ADAMTS17: variants seen among roughly 807,000 people sequenced by gnomAD.
The protein encoded by ADAMTS17 is ADAM metallopeptidase with thrombospondin type 1 motif 17.
In ADAMTS17, 113 loss-of-function variants were observed where a neutral mutation model predicts 141.5. That is an observed-to-expected ratio of 0.80 (90% confidence interval 0.69 to 0.93). The LOEUF is 0.93. ADAMTS17 is among the 40% of genes least tolerant of loss of function. The pLI is 0.00. For synonymous variants in ADAMTS17, 768 were observed against 630.6 expected, an observed-to-expected ratio of 1.22 and a Z score of -3.27; for missense variants, 1,659 against 1,517.9, an observed-to-expected ratio of 1.09 and a Z score of -1.54.
chr15:100,052,203 C>T (rs1691203268), intron 16 of ADAMTS17, among the ~76,000 whole-genome samples: 1 of 150,516 alleles, frequency 6.6e-6, no homozygotes, highest in African/African-American at 2.5e-5. Flanking sequence ...TCCTTCACTC[C>T]CCATCATCAA....
At chr15:100,102,428 GAT>G (rs1463274550) in intron 14 of ADAMTS17, among the ~76,000 whole-genome samples, 47 of 74,952 alleles carry the variant, frequency 6.3e-4, no homozygotes, top group African/African-American at 2.7e-3. Flanking sequence ...GACCGAAGGG[GAT>G]CTACATTTGA....
intron 20 of ADAMTS17, among the ~76,000 whole-genome samples, chr15:99,991,647 T>C (rs1176602398): frequency 6.6e-6 from 1 of 152,204 alleles, no homozygotes; most frequent in East Asian, 1.9e-4. Context: ...AGAAATACCA[T>C]TTGACCCAGC....
chr15:100,064,754 G>A (rs2033391788), intron 15 of ADAMTS17, among the ~76,000 whole-genome samples: 1 of 152,220 alleles, frequency 6.6e-6, no homozygotes, highest in East Asian at 1.9e-4. Flanking sequence ...CAGGGCAGAA[G>A]CTGGCAACTG....
rs144731011 is a variant in ADAMTS17 at position 100,282,128 on chromosome 15, A to G, written c.617-727T>C. Among the ~76,000 whole-genome samples, 192 of 152,338 alleles carry G rather than the reference A, an allele frequency of 1.3e-3. 1 individual carries two copies. The highest frequency in any genetic ancestry group is 4.3e-3 in the African/African-American group (180 of 41,584). Reference sequence around the variant, plus strand: ...CCACACCTACAGGTCCAAATCTGCCATAGTCTTTGTACATGGAAACATCTC... The same window carrying G: ...CCACACCTACAGGTCCAAATCTGCCGTAGTCTTTGTACATGGAAACATCTC... On this transcript the variant is annotated intron_variant, in intron 3 of 21. Coordinates refer to ENST00000268070, the MANE Select transcript of ADAMTS17 (RefSeq NM_139057.4).
Position 99,997,455 on chromosome 15 carries a change from C to G in ADAMTS17, c.2726G>C (p.Arg909Pro), listed in dbSNP as rs201644342. The stretch of plus-strand genomic sequence containing the variant: ...TTCACAGCTCTGCACTGCCGCCGGC[C>G]GGGGGCCCGGGCAGTAGAGGGGCCG... ...ATRPLYCPGPRPAAVQSCEGQ... is the reference protein window; with the variant it reads ...ATRPLYCPGPPPAAVQSCEGQ... Residue 909 changes from arginine to proline, a missense_variant, in exon 19 of 22, where the codon CGG (arginine) becomes CCG (proline). Physicochemically the swap from Arg to Pro is moderately radical, Grantham distance 103 (BLOSUM62 -2). Coordinates refer to ENST00000268070, the MANE Select transcript of ADAMTS17 (RefSeq NM_139057.4). This position sits in a 1 kb window ranked among gnomAD's most constrained non-coding sequence, Gnocchi z 4.7. 6.2e-7 allele frequency: 1 copy of G among 1,613,548 alleles called. No individual in the cohort carries two copies. Among genetic ancestry groups the G allele is most frequent in the East Asian group, 2.2e-5 (1 of 44,868 alleles).
At chr15:100,136,615 T>C (rs1192697896) in intron 10 of ADAMTS17, among the ~76,000 whole-genome samples, 1 of 152,186 alleles carries the variant, frequency 6.6e-6, no homozygotes, top group Non-Finnish European at 1.5e-5. Flanking sequence ...CTCTATTTTT[T>C]CCACTTTTCC....
chr15:100,317,278 A>G (rs947496919), intron 3 of ADAMTS17, among the ~76,000 whole-genome samples: 3 of 152,194 alleles, frequency 2.0e-5, no homozygotes, highest in Admixed American at 6.5e-5. Context: ...AGCTTGGAAG[A>G]CAATGGCAAA....
chr15:100,196,442 C>G (rs1421783406), intron 8 of ADAMTS17, among the ~76,000 whole-genome samples: 1 of 152,174 alleles, frequency 6.6e-6, no homozygotes, highest in Non-Finnish European at 1.5e-5. Flanking sequence ...AATTTTTTTC[C>G]TGACAATCAG....
In ADAMTS17 at chr15:100,162,728, T is replaced by C. The variant is rs8035670; in HGVS notation, c.1182-7408A>G. Among the ~76,000 whole-genome samples the C allele has an allele frequency of 4.8e-3, 635 of 132,184 alleles. 43 individuals carry two copies. Among genetic ancestry groups the C allele is most frequent in the African/African-American group, 0.017 (576 of 34,324 alleles). 86.7% of individuals were successfully genotyped at this position (132,184 alleles called of 152,430 possible). Reference sequence around the variant, plus strand: ...TATGCACATATACACATTATATGTGTATATATATGCACATATACACATTAT... The same window carrying C: ...TATGCACATATACACATTATATGTGCATATATATGCACATATACACATTAT... On this transcript the variant is annotated intron_variant, in intron 8 of 21. Transcript: ENST00000268070.
intron 8 of ADAMTS17, among the ~76,000 whole-genome samples, chr15:100,181,764 A>G (rs147373119): frequency 1.3e-5 from 2 of 152,356 alleles, no homozygotes; most frequent in Non-Finnish European, 2.9e-5. Context: ...TGTTGCTGCA[A>G]GCAGCATAGC....
At chr15:100,257,764 G>A (rs1276221168) in intron 6 of ADAMTS17, among the ~76,000 whole-genome samples, 3 of 152,176 alleles carry the variant, frequency 2.0e-5, no homozygotes, top group Non-Finnish European at 4.4e-5. Context: ...GCTAATACAT[G>A]AACATAAAAT....
intron 12 of ADAMTS17, among the ~76,000 whole-genome samples, chr15:100,127,769 A>G (rs939102871): frequency 3.7e-5 from 5 of 133,884 alleles, no homozygotes; most frequent in African/African-American, 1.2e-4. Flanking sequence ...TTTAGTAGAG[A>G]CAGGGTTTCA....
chr15:100,245,070 C>T (rs998652658), intron 7 of ADAMTS17, among the ~76,000 whole-genome samples: 10 of 152,190 alleles, frequency 6.6e-5, no homozygotes, highest in South Asian at 2.1e-4. Flanking sequence ...TGCCATGAGG[C>T]GTTCCTTGGC....
At chr15:100,199,819 A>T (rs534957836) in intron 7 of ADAMTS17, among the ~76,000 whole-genome samples, 4 of 152,310 alleles carry the variant, frequency 2.6e-5, no homozygotes, top group Admixed American at 6.5e-5. Context: ...GGCTGGGACC[A>T]GGTGAGCCAG....
chr15:100,298,165 G>A (rs1432985125), intron 3 of ADAMTS17, among the ~76,000 whole-genome samples: 1 of 152,156 alleles, frequency 6.6e-6, no homozygotes, highest in Non-Finnish European at 1.5e-5. Flanking sequence ...GGAGGAGAGA[G>A]ACAGGAATGC....
At chr15:100,327,826 C>T (rs2045941517) in intron 3 of ADAMTS17, among the ~76,000 whole-genome samples, 1 of 152,192 alleles carries the variant, frequency 6.6e-6, no homozygotes, top group Non-Finnish European at 1.5e-5. Flanking sequence ...GTCCCCTCGC[C>T]TGAAGCCCCA....
chr15:100,160,148 A>G (rs2039624419), intron 8 of ADAMTS17, among the ~76,000 whole-genome samples: 1 of 152,216 alleles, frequency 6.6e-6, no homozygotes, highest in Admixed American at 6.5e-5. Context: ...TTACTTTGAG[A>G]AATATTCAAG....
At chr15:100,250,455 A>T (rs1184062066) in intron 7 of ADAMTS17, among the ~76,000 whole-genome samples, 1 of 152,220 alleles carries the variant, frequency 6.6e-6, no homozygotes, top group Non-Finnish European at 1.5e-5. Flanking sequence ...CATTCTGCGC[A>T]ATCAAAACAA....
intron 13 of ADAMTS17, among the ~76,000 whole-genome samples, chr15:100,115,457 G>C (rs1030040547): frequency 6.6e-6 from 1 of 152,192 alleles, no homozygotes; most frequent in African/African-American, 2.4e-5. Flanking sequence ...TTTTAAAAAA[G>C]GACAATGATG....
Sources: gnomAD v4.1 joint callset for allele counts (sites outside exome capture counted in the v4.1 genomes callset) on GRCh38, gnomAD v4.1.1 for gene constraint, Gnocchi (gnomAD v3.1) non-coding constraint, MANE v1.5 for transcripts, NCBI Gene and HGNC (gene_info 2026-07-23, HGNC 2026-07-21) for gene names.